The following PCDHGB2 variants were observed in gnomAD, a reference collection of about 807,000 sequenced individuals.
PCDHGB2 encodes protocadherin gamma-B2.
PCDHGB2 carries 55 observed loss-of-function variants against 59.3 expected under a neutral mutation model. The ratio of observed to expected loss-of-function variants is 0.93; its 90% CI spans 0.75 to 1.16. PCDHGB2 has a LOEUF of 1.16. Ranked by LOEUF, PCDHGB2 falls within the 50% of genes most tolerant of loss-of-function variation. The probability of loss-of-function intolerance (pLI) is 0.00; values close to 1 mark genes in which losing one functional copy is unlikely to be tolerated. For missense variants in PCDHGB2, 1,228 were observed against 1,198.5 expected, an observed-to-expected ratio of 1.02 and a Z score of -0.36; for synonymous variants, 516 against 512.0, an observed-to-expected ratio of 1.01 and a Z score of -0.11.
intron 1 of PCDHGB2, among the ~76,000 whole-genome samples, chr5:141,446,739 T>A (rs1292920572): frequency 2.6e-5 from 4 of 152,180 alleles, no homozygotes; most frequent in African/African-American, 7.2e-5. Flanking sequence ...AGTGTGGGGA[T>A]TACAGGCGTG....
In PCDHGB2 at chr5:141,361,147, C is replaced by A. The variant is rs1434690627; in HGVS notation, c.1012C>A (p.Leu338Ile). Residue 338 changes from leucine to isoleucine, a missense_variant, in exon 1 of 4, where the codon CTT (leucine) becomes ATT (isoleucine). By Grantham distance (5) the Leu-to-Ile change is conservative. Around this residue, in one of 3 missense-constraint regions of PCDHGB2, gnomAD observed 781 missense variants for 721.6 expected, o/e 1.08. Transcript: ENST00000522605. ...AAHCSIQVEI[L>I]DDNDCAPEVI... ...CCACTGCAGTATCCAAGTTGAAATT[C>A]TTGATGACAACGATTGTGCACCTGA... The A allele has an allele frequency of 1.9e-6, 3 of 1,613,838 alleles. No individual in the cohort carries two copies. Among genetic ancestry groups the A allele is most frequent in the East Asian group, 2.2e-5 (1 of 44,894 alleles).
chr5:141,419,454 T>A (rs1191326733), intron 1 of PCDHGB2: 1 of 1,612,786 alleles, frequency 6.2e-7, no homozygotes, highest in Non-Finnish European at 8.5e-7. Flanking sequence ...GAGCTCACGC[T>A]GCAGGCCCGC....
At chr5:141,492,063 C>T in intron 1 of PCDHGB2, 1 of 481,160 alleles carries the variant, frequency 2.1e-6, no homozygotes, top group African/African-American at 2.0e-5. Flanking sequence ...CAGCCAGCCT[C>T]CTAGGCGCCG....
chr5:141,420,065 G>T, intron 1 of PCDHGB2: 1 of 1,614,018 alleles, frequency 6.2e-7, no homozygotes, highest in East Asian at 2.2e-5. Flanking sequence ...CTCCAAGTCC[G>T]GACCTGTGGG....
Position 141,511,703 on chromosome 5 carries a change from T to G in PCDHGB2, c.*530T>G, listed in dbSNP as rs148447880. On this transcript the variant is annotated 3_prime_UTR_variant, in exon 4 of 4. Coordinates refer to ENST00000522605, the MANE Select transcript of PCDHGB2 (RefSeq NM_018923.3). ...AAAGCATGGTTTGGTGCCAGCCCCT[T>G]CACCTCCTTCCAGAGCCCAAGATCA... The G allele has an allele frequency of 1.1e-4, 21 of 189,942 alleles. No homozygotes were observed. In the East Asian group the frequency reaches 2.4e-3, roughly 22 times the overall value. 11.8% of individuals were successfully genotyped at this position (189,942 alleles called of 1,614,324 possible).
In PCDHGB2 at chr5:141,365,803, G is replaced by A. The variant is rs138451800; in HGVS notation, c.2421+3247G>A. On this transcript the variant is annotated intron_variant, in intron 1 of 3. Coordinates refer to ENST00000522605, the MANE Select transcript of PCDHGB2 (RefSeq NM_018923.3). ...ACAACGCTCGAGTCACCTACTCCCT[G>A]GCTGAAGACACATTTCAGGGGGCGC... 8,384 of 1,613,862 alleles carry A rather than the reference G, an allele frequency of 5.2e-3. 46 individuals are homozygous for A. Among genetic ancestry groups the A allele is most frequent in the Admixed American group, 9.4e-3 (566 of 60,014 alleles).
rs751345684 is a variant in PCDHGB2 at position 141,398,995 on chromosome 5, C to G, written c.2421+36439C>G. ...CTACAGAACCGGGCAAATCTTTAGT[C>G]TGAATTCAAAGAGCGGAGAAATTAC... On this transcript the variant is annotated intron_variant, in intron 1 of 3. Transcript: ENST00000522605. 2.5e-5 allele frequency: 41 copies of G among 1,613,782 alleles called. No homozygotes were observed. The East Asian group carries it at 8.7e-4, about 34-fold the overall frequency.
chr5:141,450,826 A>ATTTTT (rs764729742), intron 1 of PCDHGB2, among the ~76,000 whole-genome samples: 2 of 134,302 alleles, frequency 1.5e-5, no homozygotes, highest in African/African-American at 2.9e-5. Flanking sequence ...TATTATTATT[A>ATTTTT]TTATTTTTTT....
intron 1 of PCDHGB2, chr5:141,418,453 G>T (rs2096259626): frequency 1.2e-6 from 2 of 1,614,060 alleles, no homozygotes; most frequent in East Asian, 4.5e-5. Flanking sequence ...TATTGCAGAA[G>T]ACTCTGGACC....
intron 1 of PCDHGB2, among the ~76,000 whole-genome samples, chr5:141,467,441 T>C (rs919148544): frequency 6.6e-6 from 1 of 152,340 alleles, no homozygotes; most frequent in African/African-American, 2.4e-5. Context: ...CATTCATTAC[T>C]TTTTTCTTCC....
At position 141,366,371 on chromosome 5, in the gene PCDHGB2, C is replaced by T. The variant is rs780787385; in HGVS notation, c.2421+3815C>T. 2.2e-5 allele frequency: 35 copies of T among 1,613,992 alleles called. No individual in the cohort carries two copies. In the South Asian group the frequency reaches 3.4e-4, roughly 16 times the overall value. Reference sequence around the variant, plus strand: ...GGCTGACCTAGGCAGTATCAAGACCCCCATTGACCCTGAGGATCTGGACCT... The same window carrying T: ...GGCTGACCTAGGCAGTATCAAGACCTCCATTGACCCTGAGGATCTGGACCT... On this transcript the variant is annotated intron_variant, in intron 1 of 3. Coordinates refer to ENST00000522605, the MANE Select transcript of PCDHGB2 (RefSeq NM_018923.3).
chr5:141,364,808 G>A (rs1235589231), intron 1 of PCDHGB2: 2 of 1,614,026 alleles, frequency 1.2e-6, no homozygotes, highest in East Asian at 2.2e-5. Context: ...CGCGCGGGAT[G>A]CGGATGTGGG....
In PCDHGB2 at chr5:141,432,596, G is replaced by T; in HGVS notation, c.2422-62211G>T. On this transcript the variant is annotated intron_variant, in intron 1 of 3. Transcript: ENST00000522605. This position sits in a 1 kb window ranked among gnomAD's most constrained non-coding sequence, Gnocchi z 6.0. The stretch of plus-strand genomic sequence containing the variant: ...GTCCTACCGTCTGCTCAAGGCCAGC[G>T]AGCCGGGACTCTTCTCGGTGGGTCT... 6.8e-6 allele frequency: 11 copies of T among 1,613,926 alleles called. No individual in the cohort carries two copies. The highest frequency in any genetic ancestry group is 9.3e-6 in the Non-Finnish European group (11 of 1,179,972).
At chr5:141,479,505 G>A (rs2099498324) in intron 1 of PCDHGB2, 1 of 152,262 alleles carries the variant, frequency 6.6e-6, no homozygotes, top group African/African-American at 2.4e-5. Flanking sequence ...CCTAAAGAGG[G>A]GTGAACTGGC....
At chr5:141,464,680 A>G (rs747974832) in intron 1 of PCDHGB2, among the ~76,000 whole-genome samples, 3 of 152,144 alleles carry the variant, frequency 2.0e-5, no homozygotes, top group Non-Finnish European at 4.4e-5. Flanking sequence ...TTTTAATTAA[A>G]ATTTCTCTTA....
intron 1 of PCDHGB2, among the ~76,000 whole-genome samples, chr5:141,437,486 G>A (rs530079212): frequency 2.6e-5 from 4 of 152,224 alleles, no homozygotes; most frequent in South Asian, 2.1e-4. Flanking sequence ...ATTTAATCTC[G>A]TAGATCACTT....
rs1280755615 is a variant in PCDHGB2 at position 141,431,629 on chromosome 5, A to C, written c.2422-63178A>C. On this transcript the variant is annotated intron_variant, in intron 1 of 3. Transcript: ENST00000522605. This position sits in a 1 kb window ranked among gnomAD's most constrained non-coding sequence, Gnocchi z 4.8. ...GGTATGTGGACGACAAGGCGGCCCA[A>C]GTTTTCAAACTAGATTGTAATTCAG... 6.2e-7 allele frequency: 1 copy of C among 1,614,246 alleles called. No individual in the cohort carries two copies. Among genetic ancestry groups the C allele is most frequent in the South Asian group, 1.1e-5 (1 of 91,090 alleles).
chr5:141,446,936 C>G (rs935365668), intron 1 of PCDHGB2, among the ~76,000 whole-genome samples: 3 of 152,176 alleles, frequency 2.0e-5, no homozygotes, highest in African/African-American at 7.2e-5. Context: ...CTCTTTTTCA[C>G]TGTAAGAAAC....
intron 1 of PCDHGB2, chr5:141,371,313 C>T (rs760463851): frequency 6.2e-7 from 1 of 1,613,964 alleles, no homozygotes. Context: ...TATTGGAGAA[C>T]TGGACTTTGA....
Sources: gnomAD v4.1 joint callset for allele counts (sites outside exome capture counted in the v4.1 genomes callset) on GRCh38, gnomAD v4.1.1 for gene constraint, gnomAD v4.1.1 regional missense constraint, Gnocchi (gnomAD v3.1) non-coding constraint, MANE v1.5 for transcripts, NCBI Gene and HGNC (gene_info 2026-07-23, HGNC 2026-07-21) for gene names.